Variants in SHCBP1 observed in about 807,000 individuals in gnomAD.
SHCBP1 encodes SHC SH2 domain-binding protein 1.
A neutral mutation model predicts 75.1 loss-of-function variants in SHCBP1; 60 were observed. That is an observed-to-expected ratio of 0.80 (90% confidence interval 0.65 to 0.99). SHCBP1 has a LOEUF of 0.99. SHCBP1 is among the 50% of genes least tolerant of loss of function. The pLI is 0.00. For synonymous variants in SHCBP1, 290 were observed against 293.2 expected (o/e 0.99, Z 0.11); for missense variants, 709 against 809.4 (o/e 0.88, Z 1.50).
Position 46,608,374 on chromosome 16 carries a change from G to GTT in SHCBP1, c.610_611dup (p.Asn204LysfsTer26). On this transcript the variant is annotated frameshift_variant, in exon 5 of 13. Coordinates refer to ENST00000303383, the MANE Select transcript of SHCBP1 (RefSeq NM_024745.5). LOFTEE classifies it high-confidence loss of function. ...CTTCTTCATCCCAACTCCTCCAAAT[G>GTT]TTTTGGTAGAAAAATCTGAAATGGA... 1 of 1,612,778 alleles carries GTT rather than the reference G, an allele frequency of 6.2e-7. No homozygotes were observed. The highest frequency in any genetic ancestry group is 8.5e-7 in the Non-Finnish European group (1 of 1,179,156).
Position 46,618,351 on chromosome 16 carries a change from G to C in SHCBP1, c.125C>G (p.Ser42Ter). The change falls in exon 2 of 13, where the codon TCA becomes TGA. Residue 42 changes from serine (S) to a stop codon, truncating the protein, a stop_gained. Coordinates refer to ENST00000303383, the MANE Select transcript of SHCBP1 (RefSeq NM_024745.5). LOFTEE classifies it high-confidence loss of function. The stretch of plus-strand genomic sequence containing the variant: ...ATCACGGTAGCTACAATCACTGCAT[G>C]AATCTTCATCTTGGAACAAACCTAA... ...LEKGLFQDED[S>*]CSDCSYRDKP... The C allele has an allele frequency of 6.2e-7, 1 of 1,600,996 alleles. No homozygotes were observed. The highest frequency in any genetic ancestry group is 8.5e-7 in the Non-Finnish European group (1 of 1,176,360).
At chr16:46,612,052 T>A (rs1754780235) in intron 4 of SHCBP1, among the ~76,000 whole-genome samples, 1 of 152,234 alleles carries the variant, frequency 6.6e-6, no homozygotes, top group South Asian at 2.1e-4. Flanking sequence ...CCTGGGTAAC[T>A]CTGACATTCT....
At position 46,621,193 on chromosome 16, in the gene SHCBP1, A is replaced by G. The variant is rs1328401641; in HGVS notation, c.103+64T>C. On this transcript the variant is annotated intron_variant, in intron 1 of 12. Coordinates refer to ENST00000303383, the MANE Select transcript of SHCBP1 (RefSeq NM_024745.5). ...AGGCCCGCGACCCAGGCGCCCTCCT[A>G]GGGTCCCGACGCCCCAGGCCTCCGC... is the stretch of plus-strand genomic sequence containing the variant. The G allele has an allele frequency of 2.7e-6, 4 of 1,472,282 alleles. No individual in the cohort carries two copies. The African/African-American group carries it at 4.2e-5, about 16-fold the overall frequency. The allele number at this position is 1,472,282 out of a possible 1,614,324, so 91.2% of individuals were successfully genotyped here.
At chr16:46,602,849 T>C (rs1293901945) in intron 8 of SHCBP1, among the ~76,000 whole-genome samples, 1 of 152,244 alleles carries the variant, frequency 6.6e-6, no homozygotes, top group Non-Finnish European at 1.5e-5. Flanking sequence ...CAGACTGGTC[T>C]CAAACTCCTG....
intron 4 of SHCBP1, among the ~76,000 whole-genome samples, chr16:46,614,300 T>C (rs1224334755): frequency 6.6e-6 from 1 of 152,206 alleles, no homozygotes; most frequent in Non-Finnish European, 1.5e-5. Flanking sequence ...AACTCACTAA[T>C]GGTATAGAAA....
chr16:46,616,152 G>A lies in SHCBP1; in HGVS notation c.390C>T (p.Ile130=), dbSNP rs199971640. The stretch of plus-strand genomic sequence containing the variant: ...TCAAGGCTGCAAAGTCCACATCTGT[G>A]ATCTGAAATTTAAAATAATGTGACT... The part of the protein sequence containing the change: ...HTNVFKVLVE[I]TDVDFAALKA... The change falls in exon 4 of 13, where the codon ATC becomes ATT. Residue 130 remains isoleucine, a splice_region_variant and synonymous_variant. Transcript: ENST00000303383. This position sits in a 1 kb window ranked among gnomAD's most constrained non-coding sequence, Gnocchi z 4.4. 3.1e-6 allele frequency: 5 copies of A among 1,612,524 alleles called. No individual in the cohort carries two copies. Among genetic ancestry groups the A allele is most frequent in the Admixed American group, 1.7e-5 (1 of 59,958 alleles).
chr16:46,583,725 T>C (rs1235288217), intron 11 of SHCBP1, 68 bp from the exon 12 acceptor site: 30 of 1,523,630 alleles, frequency 2.0e-5, no homozygotes, highest in Non-Finnish European at 2.5e-5. Flanking sequence ...AAAATCTTCT[T>C]TATTCACACT....
intron 4 of SHCBP1, 107 bp downstream of exon 4, chr16:46,615,839 C>G (rs1333354180): frequency 1.1e-6 from 1 of 901,012 alleles, no homozygotes; most frequent in East Asian, 2.4e-5. Context: ...TTGCAATGAC[C>G]AAGTTTACAG....
At chr16:46,589,137 A>T (rs545606308) in intron 10 of SHCBP1, among the ~76,000 whole-genome samples, 18 of 152,166 alleles carry the variant, frequency 1.2e-4, no homozygotes, top group African/African-American at 3.6e-4. Flanking sequence ...CATGCTAAAA[A>T]CTCTCAATAA....
intron 10 of SHCBP1, among the ~76,000 whole-genome samples, chr16:46,589,185 G>A (rs564079477): frequency 6.6e-6 from 1 of 152,114 alleles, no homozygotes; most frequent in Non-Finnish European, 1.5e-5. Flanking sequence ...AATAATAAGA[G>A]CTGTTTATGA....
chr16:46,597,744 A>G (rs1483519965), intron 9 of SHCBP1, among the ~76,000 whole-genome samples: 1 of 152,186 alleles, frequency 6.6e-6, no homozygotes, highest in Admixed American at 6.5e-5. Flanking sequence ...CCTTTCATGA[A>G]AGGATTTCTC....
rs199668593 is a variant in SHCBP1 at position 46,614,457 on chromosome 16, ATAAC to A, written c.596+1485_596+1488del. On this transcript the variant is annotated intron_variant, in intron 4 of 12. Transcript: ENST00000303383. ...AAGCCTTCTTTGGCGAAGATACAAAATAACTATCTATATCAGGAACTATCCAATA... is the reference window on the plus strand; with the variant it reads ...AAGCCTTCTTTGGCGAAGATACAAAATATCTATATCAGGAACTATCCAATA... 3.2e-3 allele frequency among the ~76,000 whole-genome samples: 488 copies of A among 152,346 alleles called. 8 individuals are homozygous for A. The East Asian group carries it at 0.041, about 13-fold the overall frequency.
At chr16:46,582,134 C>G (rs1380313992) in intron 12 of SHCBP1, 80 bp from the exon 13 acceptor site, 1 of 1,408,308 alleles carries the variant, frequency 7.1e-7, no homozygotes, top group Non-Finnish European at 9.5e-7. Context: ...ACAGTCTTCT[C>G]AACAAGCAGC....
chr16:46,590,118 T>C (rs1289107931), intron 10 of SHCBP1, among the ~76,000 whole-genome samples: 2 of 152,256 alleles, frequency 1.3e-5, no homozygotes, highest in East Asian at 1.9e-4. Context: ...GCTAGTCATA[T>C]GTAGAAAGCT....
In SHCBP1 at chr16:46,583,150, ATTGCTGTCACACACCCACTG is replaced by A. The variant is rs540470841; in HGVS notation, c.1693+346_1693+365del. On this transcript the variant is annotated intron_variant, in intron 12 of 12. Transcript: ENST00000303383. ...TTAACAAACGCCAGTAGGAGCCACC[ATTGCTGTCACACACCCACTG>A]TTGCTGTCACACACCCACCATAGCA... is the stretch of plus-strand genomic sequence containing the variant. Among the ~76,000 whole-genome samples the A allele has an allele frequency of 6.4e-3, 981 of 152,226 alleles. 13 individuals are homozygous for A. The highest frequency in any genetic ancestry group is 0.023 in the African/African-American group (941 of 41,526).
intron 10 of SHCBP1, among the ~76,000 whole-genome samples, chr16:46,589,693 A>T (rs1965010737): frequency 6.6e-6 from 1 of 152,244 alleles, no homozygotes; most frequent in Non-Finnish European, 1.5e-5. Flanking sequence ...ATGGAAGAAC[A>T]TTCCATGCTC....
chr16:46,611,315 G>A (rs1965413031), intron 4 of SHCBP1, among the ~76,000 whole-genome samples: 1 of 152,224 alleles, frequency 6.6e-6, no homozygotes, highest in Admixed American at 6.5e-5. Flanking sequence ...AATTCATAAA[G>A]TATACAATAA....
At position 46,599,842 on chromosome 16, in the gene SHCBP1, T is replaced by C; in HGVS notation, c.1334A>G (p.Glu445Gly). 6.2e-7 allele frequency: 1 copy of C among 1,605,242 alleles called. No homozygotes were observed. The highest frequency in any genetic ancestry group is 8.5e-7 in the Non-Finnish European group (1 of 1,177,510). Residue 445 changes from glutamate to glycine, a missense_variant, in exon 9 of 13, where the codon GAG becomes GGG. Transcript: ENST00000303383. The stretch of plus-strand genomic sequence containing the variant: ...ATTCAGATACTTACTTAAGATTCCC[T>C]CTACAGCATCATGCTGAACAAATTT... Reference protein sequence around the residue: ...GIKFVQHDAVEGILIVHRGKT... With the variant: ...GIKFVQHDAVGGILIVHRGKT...
rs535206231 is a variant in SHCBP1 at position 46,616,464 on chromosome 16, G to C, written c.388-310C>G. Among the ~76,000 whole-genome samples, 18 of 152,280 alleles carry C rather than the reference G, an allele frequency of 1.2e-4. No homozygotes were observed. The highest frequency in any genetic ancestry group is 3.1e-4 in the African/African-American group (13 of 41,550). On this transcript the variant is annotated intron_variant, in intron 3 of 12. Coordinates refer to ENST00000303383, the MANE Select transcript of SHCBP1 (RefSeq NM_024745.5). The surrounding 1 kb of genome is among the most constrained non-coding windows in gnomAD (Gnocchi z 4.4). ...AGGCTGAGGAGGATGAGAAGGAAGC[G>C]GCCATCTGAAGAGCTGGGAAAGCAC...
Sources: gnomAD v4.1 joint callset for allele counts (sites outside exome capture counted in the v4.1 genomes callset) on GRCh38, gnomAD v4.1.1 for gene constraint, Gnocchi (gnomAD v3.1) non-coding constraint, MANE v1.5 for transcripts, NCBI Gene and HGNC (gene_info 2026-07-23, HGNC 2026-07-21) for gene names.